The following RGPD5 variants were observed in gnomAD, a reference collection of about 807,000 sequenced individuals.
RGPD5 encodes RANBP2-like and GRIP domain-containing protein 5/6.
At chr2:109,766,712 G>GAA in the RGPD5 span, among the ~76,000 whole-genome samples, 65 of 144,312 alleles carry the variant, frequency 4.5e-4, 5 homozygotes, top group East Asian at 0.013. Context: ...GGCAAATTAA[G>GAA]AAAAAAAACC....
chr2:109,794,696 C>G lies in RGPD5; in HGVS notation c.72+159C>G, dbSNP rs1172510031. ...CTCCGTGGCGCGCTCTGTTGAGGCG[C>G]CGGCCGGCTGGCGCAGTCCTGTGGG... On this transcript the variant is annotated intron_variant, in intron 1 of 22. Transcript: ENST00000016946. The G allele has an allele frequency of 3.6e-5, 27 of 745,198 alleles. No individual in the cohort carries two copies. The African/African-American group carries it at 6.5e-4, about 18-fold the overall frequency. 46.2% of individuals were successfully genotyped at this position (745,198 alleles called of 1,614,324 possible).
chr2:109,761,460 A>G, the RGPD5 span, among the ~76,000 whole-genome samples: 1 of 148,738 alleles, frequency 6.7e-6, no homozygotes, highest in Non-Finnish European at 1.5e-5. Flanking sequence ...CGCCCCAGGT[A>G]TCCCTTTGTG....
the RGPD5 span, among the ~76,000 whole-genome samples, chr2:109,773,363 TG>T: frequency 7.5e-6 from 1 of 133,502 alleles, no homozygotes; most frequent in Admixed American, 7.7e-5. Flanking sequence ...CGGCTATGCG[TG>T]TTCCCACTCT....
At chr2:109,799,233 A>G (rs1676931294) in intron 1 of RGPD5, among the ~76,000 whole-genome samples, 1 of 132,422 alleles carries the variant, frequency 7.6e-6, no homozygotes. Context: ...GCAAGACTCC[A>G]TCTCAAAAAA....
the RGPD5 span, among the ~76,000 whole-genome samples, chr2:109,763,238 C>T: frequency 6.7e-6 from 1 of 150,078 alleles, no homozygotes; most frequent in Non-Finnish European, 1.5e-5. Context: ...TTGCTGAACA[C>T]GTATTATTTA....
At chr2:109,763,116 A>G in the RGPD5 span, among the ~76,000 whole-genome samples, 1 of 150,098 alleles carries the variant, frequency 6.7e-6, no homozygotes, top group African/African-American at 2.4e-5. Context: ...TGGAAAGGGT[A>G]AGTAAGTGGT....
the RGPD5 span, among the ~76,000 whole-genome samples, chr2:109,761,525 C>T: frequency 1.3e-5 from 2 of 148,606 alleles, no homozygotes; most frequent in Non-Finnish European, 3.0e-5. Context: ...TCTCGGGGAT[C>T]TCACACTGGG....
the RGPD5 span, among the ~76,000 whole-genome samples, chr2:109,765,601 G>C: frequency 6.7e-6 from 1 of 150,098 alleles, no homozygotes; most frequent in Non-Finnish European, 1.5e-5. Context: ...CATTTGAAAT[G>C]GGTCCTGGAG....
the RGPD5 span, among the ~76,000 whole-genome samples, chr2:109,773,264 AG>A: frequency 6.7e-6 from 1 of 150,358 alleles, no homozygotes; most frequent in Non-Finnish European, 1.5e-5. Flanking sequence ...AAGATCAGCC[AG>A]GGCGAGGCCA....
the RGPD5 span, among the ~76,000 whole-genome samples, chr2:109,763,738 G>C: frequency 1.3e-5 from 2 of 150,336 alleles, no homozygotes; most frequent in African/African-American, 4.9e-5. Flanking sequence ...TTTTGAAGGA[G>C]GAAGGAGGAG....
chr2:109,799,212 C>T (rs1370463873), intron 1 of RGPD5, among the ~76,000 whole-genome samples: 5 of 110,588 alleles, frequency 4.5e-5, no homozygotes, highest in Non-Finnish European at 7.1e-5. Flanking sequence ...GCACTCCAGC[C>T]TGGCGACAGA....
the RGPD5 span, among the ~76,000 whole-genome samples, chr2:109,761,657 C>T: frequency 2.7e-5 from 4 of 148,522 alleles, no homozygotes; most frequent in African/African-American, 1.0e-4. Context: ...CCCCCCAACC[C>T]GCCACTATCT....
chr2:109,761,474 C>T, the RGPD5 span, among the ~76,000 whole-genome samples: 1 of 148,974 alleles, frequency 6.7e-6, no homozygotes, highest in African/African-American at 2.5e-5. Context: ...CTTTGTGCCA[C>T]GCTCACAGCT....
At chr2:109,765,367 G>A in the RGPD5 span, among the ~76,000 whole-genome samples, 6 of 150,346 alleles carry the variant, frequency 4.0e-5, no homozygotes, top group African/African-American at 1.5e-4. Flanking sequence ...GATATTTCCT[G>A]TCCTCTTTCT....
At chr2:109,763,804 T>C in the RGPD5 span, among the ~76,000 whole-genome samples, 1 of 149,920 alleles carries the variant, frequency 6.7e-6, no homozygotes, top group South Asian at 2.2e-4. Context: ...CTTTTTCTAA[T>C]TGATGGACAT....
the RGPD5 span, among the ~76,000 whole-genome samples, chr2:109,765,875 C>T: frequency 6.6e-6 from 1 of 150,728 alleles, no homozygotes; most frequent in Non-Finnish European, 1.5e-5. Context: ...TTAGACTTTA[C>T]TTCATGGTGC....
the RGPD5 span, among the ~76,000 whole-genome samples, chr2:109,777,376 T>C: frequency 6.8e-6 from 1 of 146,016 alleles, no homozygotes; most frequent in African/African-American, 2.5e-5. Flanking sequence ...TTATATACTT[T>C]AATACATTGA....
the RGPD5 span, among the ~76,000 whole-genome samples, chr2:109,771,648 A>G: frequency 4.9e-5 from 1 of 20,540 alleles, no homozygotes; most frequent in Non-Finnish European, 7.6e-5. Context: ...GGAACACCTG[A>G]GAAAATTCTT....
the RGPD5 span, among the ~76,000 whole-genome samples, chr2:109,774,990 TGTAAG>T: frequency 1.2e-5 from 1 of 81,954 alleles, no homozygotes; most frequent in Non-Finnish European, 2.2e-5. Flanking sequence ...CATCTGAAAT[TGTAAG>T]GTGATTTTTT....
Sources: allele counts gnomAD v4.1 joint callset (sites outside exome capture counted in the v4.1 genomes callset), GRCh38; gene constraint gnomAD v4.1.1; transcripts MANE v1.5; gene names NCBI Gene and HGNC (gene_info 2026-07-23, HGNC 2026-07-21).